The following ERI3 variants were observed in gnomAD, a reference collection of about 807,000 sequenced individuals.
ERI3 encodes the protein ERI1 exoribonuclease 3.
Under a neutral mutation model 44.4 loss-of-function variants are expected in ERI3, and 18 were observed. The observed-to-expected ratio is 0.41, with a 90% CI of 0.28 to 0.60. ERI3 has a LOEUF of 0.60. ERI3 is among the 20% of genes least tolerant of loss of function. The pLI is 0.36. For synonymous variants in ERI3, 183 were observed against 164.8 expected (o/e 1.11, Z -0.84); for missense variants, 294 against 435.5 (o/e 0.68, Z 2.89).
At chr1:44,239,038 C>G (rs912195792) in intron 8 of ERI3, among the ~76,000 whole-genome samples, 4 of 151,694 alleles carry the variant, frequency 2.6e-5, no homozygotes, top group Admixed American at 6.6e-5. Flanking sequence ...CCCTCCCCCC[C>G]CCAATCCAGC....
chr1:44,310,963 G>GCGCGCGCGCGCGCACACACACACA (rs1373873768), intron 5 of ERI3, among the ~76,000 whole-genome samples: 1 of 123,202 alleles, frequency 8.1e-6, no homozygotes, highest in Non-Finnish European at 1.7e-5. Flanking sequence ...GCGCGCGCGC[G>GCGCGCGCGCGCGCACACACACACA]CACACACACA....
chr1:44,276,046 A>C (rs1313944219), intron 7 of ERI3, among the ~76,000 whole-genome samples: 1 of 152,218 alleles, frequency 6.6e-6, no homozygotes, highest in Non-Finnish European at 1.5e-5. Flanking sequence ...TCACACGGCA[A>C]GAGGAAGCAA....
rs1014833702 is a variant in ERI3 at position 44,256,595 on chromosome 1, C to T, written c.832-8557G>A. Among the ~76,000 whole-genome samples, 3 of 152,178 alleles carry T rather than the reference C, an allele frequency of 2.0e-5. No homozygotes were observed. In the East Asian group the frequency reaches 5.8e-4, roughly 29 times the overall value. On this transcript the variant is annotated intron_variant, in intron 7 of 8. Transcript: ENST00000372257. ...AACGGAACCTGAGTGGGATAATTATCGTCTCTGTGTACTTAACCTTACTGC... is the reference window on the plus strand; with the variant it reads ...AACGGAACCTGAGTGGGATAATTATTGTCTCTGTGTACTTAACCTTACTGC...
chr1:44,296,444 C>G (rs548185822), intron 6 of ERI3, among the ~76,000 whole-genome samples: 3 of 152,184 alleles, frequency 2.0e-5, no homozygotes, highest in Non-Finnish European at 4.4e-5. Context: ...ACAGTCCTGA[C>G]AGTCAGAGCA....
At chr1:44,254,077 C>A (rs886402851) in intron 7 of ERI3, among the ~76,000 whole-genome samples, 2 of 152,248 alleles carry the variant, frequency 1.3e-5, no homozygotes, top group African/African-American at 4.8e-5. Context: ...TCTTCAAATT[C>A]TTTCCTGCTG....
rs941236664 is a variant in ERI3, at chr1:44,252,437, C to T, written c.832-4399G>A. ...CTGCCGCATAGCCCTGCTGTAGGTG[C>T]GGCGGGTGGCCCCCTGTGTAACAGG... is the stretch of plus-strand genomic sequence containing the variant. On this transcript the variant is annotated intron_variant, in intron 7 of 8. Coordinates refer to ENST00000372257, the MANE Select transcript of ERI3 (RefSeq NM_024066.3). The surrounding 1 kb of genome is among the most constrained non-coding windows in gnomAD (Gnocchi z 4.7). Among the ~76,000 whole-genome samples, 17 of 152,242 alleles carry T rather than the reference C, an allele frequency of 1.1e-4. No homozygotes were observed. The highest frequency in any genetic ancestry group is 2.7e-4 in the African/African-American group (11 of 41,466).
chr1:44,291,797 G>A (rs1309387243), intron 6 of ERI3, among the ~76,000 whole-genome samples: 1 of 152,212 alleles, frequency 6.6e-6, no homozygotes, highest in Non-Finnish European at 1.5e-5. Context: ...GCAAGGAGGA[G>A]AGGAGCCTGG....
In ERI3 at chr1:44,353,396, A is replaced by G. The variant is rs146846323; in HGVS notation, c.136-471T>C. The G allele has an allele frequency of 1.2e-3, 1,216 of 985,478 alleles. 2 individuals carry two copies. Among genetic ancestry groups the G allele is most frequent in the Middle Eastern group, 2.6e-3 (5 of 1,914 alleles). 61.0% of individuals were successfully genotyped at this position (985,478 alleles called of 1,614,324 possible). On this transcript the variant is annotated intron_variant, in intron 1 of 8. Transcript: ENST00000372257. ...TTCCAAGCCTGCTTCAAGCTCTAAG[A>G]AAGTCAAGGTAACTAAATCCCAAGT...
chr1:44,354,497 G>C (rs1310153045), intron 1 of ERI3: 1 of 985,278 alleles, frequency 1.0e-6, no homozygotes, highest in Non-Finnish European at 1.2e-6. Context: ...AGCCAGGTTA[G>C]GCCCTTATTC....
intron 7 of ERI3, among the ~76,000 whole-genome samples, chr1:44,268,507 C>T (rs1645032033): frequency 6.6e-6 from 1 of 152,164 alleles, no homozygotes; most frequent in African/African-American, 2.4e-5. Flanking sequence ...TAAAAACCTA[C>T]TACAATCCCA....
Position 44,221,536 on chromosome 1 carries a change from G to A in ERI3, c.*22C>T. On this transcript the variant is annotated 3_prime_UTR_variant, in exon 9 of 9. Transcript: ENST00000372257. The surrounding 1 kb of genome is among the most constrained non-coding windows in gnomAD (Gnocchi z 5.9). ...CTGGGCCAAACAGCTACCCTGTCCTGCCCCATCCTGTCCTCGGCCAATCAG... is the reference window on the plus strand; with the variant it reads ...CTGGGCCAAACAGCTACCCTGTCCTACCCCATCCTGTCCTCGGCCAATCAG... 6.2e-7 allele frequency: 1 copy of A among 1,605,606 alleles called. No individual in the cohort carries two copies. Among genetic ancestry groups the A allele is most frequent in the Non-Finnish European group, 8.5e-7 (1 of 1,172,380 alleles).
At chr1:44,342,944 A>G (rs1044584380) in intron 2 of ERI3, among the ~76,000 whole-genome samples, 4 of 131,768 alleles carry the variant, frequency 3.0e-5, no homozygotes, top group African/African-American at 5.8e-5. Flanking sequence ...CCTAGGCTCA[A>G]ATGTTCTTCC....
intron 4 of ERI3, among the ~76,000 whole-genome samples, chr1:44,315,025 C>A (rs1346816700): frequency 6.6e-6 from 1 of 152,222 alleles, no homozygotes; most frequent in Non-Finnish European, 1.5e-5. Flanking sequence ...ACAGGCCCAC[C>A]GCTGCCCATT....
At chr1:44,275,165 GT>G (rs887995351) in intron 7 of ERI3, among the ~76,000 whole-genome samples, 7 of 151,290 alleles carry the variant, frequency 4.6e-5, no homozygotes, top group South Asian at 2.1e-4. Flanking sequence ...ATTTTTGTTT[GT>G]TTTTTTTTCC....
At chr1:44,294,437 GGAACCATATGACAA>G (rs1645569717) in intron 6 of ERI3, among the ~76,000 whole-genome samples, 1 of 152,148 alleles carries the variant, frequency 6.6e-6, no homozygotes, top group Admixed American at 6.5e-5. Context: ...AACACGCTGT[GGAACCATATGACAA>G]GCACCTCCCC....
intron 8 of ERI3, among the ~76,000 whole-genome samples, chr1:44,240,779 T>C (rs1439938596): frequency 6.6e-6 from 1 of 152,142 alleles, no homozygotes; most frequent in African/African-American, 2.4e-5. Context: ...CAGTGGGGCC[T>C]AGGCCTGGTC....
At chr1:44,337,345 T>C (rs530207107) in intron 3 of ERI3, among the ~76,000 whole-genome samples, 16 of 152,274 alleles carry the variant, frequency 1.1e-4, no homozygotes, top group African/African-American at 3.4e-4. Flanking sequence ...GTGACTGAAA[T>C]AGAAGAAATA....
rs574932944 is a variant in ERI3, at chr1:44,304,175, G to A, written c.758+4135C>T. On this transcript the variant is annotated intron_variant, in intron 6 of 8. Transcript: ENST00000372257. ...AGATGTAGAGTAGGTAGCTGGATAC[G>A]CAGGTGTGGCGTTTAGGTGGCAGAT... Among the ~76,000 whole-genome samples the A allele has an allele frequency of 5.3e-5, 8 of 152,208 alleles. No homozygotes were observed. In the South Asian group the frequency reaches 1.4e-3, roughly 28 times the overall value.
chr1:44,225,886 C>G (rs922050669), intron 8 of ERI3, among the ~76,000 whole-genome samples: 7 of 152,178 alleles, frequency 4.6e-5, no homozygotes, highest in Non-Finnish European at 8.8e-5. Context: ...AGCAAACATG[C>G]GCTGACACCT....
Sources: gnomAD v4.1 joint callset for allele counts (sites outside exome capture counted in the v4.1 genomes callset) on GRCh38, gnomAD v4.1.1 for gene constraint, Gnocchi (gnomAD v3.1) non-coding constraint, MANE v1.5 for transcripts, NCBI Gene and HGNC (gene_info 2026-07-23, HGNC 2026-07-21) for gene names.